The following GRXCR1 variants were observed in gnomAD, a reference collection of about 807,000 sequenced individuals.
GRXCR1 encodes the protein glutaredoxin and cysteine rich domain containing 1.
GRXCR1 carries 27 observed loss-of-function variants against 27.3 expected under a neutral mutation model. The observed-to-expected ratio is 0.99, with a 90% CI of 0.73 to 1.37. The LOEUF (loss-of-function observed/expected upper bound fraction) is 1.37. GRXCR1 is among the 40% of genes most tolerant of loss of function. The pLI is 0.00. For missense variants in GRXCR1, 379 were observed against 354.4 expected (o/e 1.07, Z -0.56); for synonymous variants, 122 against 131.1 (o/e 0.93, Z 0.47).
chr4:42,963,091 C>A lies in GRXCR1; in HGVS notation c.584C>A (p.Ala195Asp). ...LDERCRRVSEAPSLPVVFIDG... is the reference protein window; with the variant it reads ...LDERCRRVSEDPSLPVVFIDG... ...GAACGATGCCGACGAGTTTCTGAAG[C>A]TCCTTCCCTCCCTGTTGTGTTCATT... The change falls in exon 2 of 4, where the codon GCT (alanine) becomes GAT (aspartate). Residue 195 changes from alanine (A) to aspartate (D), a missense_variant. Transcript: ENST00000399770. The A allele has an allele frequency of 6.2e-7, 1 of 1,612,640 alleles. No individual in the cohort carries two copies. The highest frequency in any genetic ancestry group is 8.5e-7 in the Non-Finnish European group (1 of 1,178,972).
chr4:42,904,597 C>T (rs897165499), intron 1 of GRXCR1, among the ~76,000 whole-genome samples: 3 of 152,122 alleles, frequency 2.0e-5, no homozygotes, highest in Admixed American at 2.0e-4. Context: ...CTTTATTGGT[C>T]AAATGGGGAT....
At chr4:42,917,265 G>A (rs190129961) in intron 1 of GRXCR1, among the ~76,000 whole-genome samples, 113 of 152,196 alleles carry the variant, frequency 7.4e-4, no homozygotes, top group Non-Finnish European at 3.2e-4. Flanking sequence ...ATATATGGGA[G>A]AGAAAAAAAG....
chr4:42,926,910 C>A (rs948010711), intron 1 of GRXCR1, among the ~76,000 whole-genome samples: 1 of 152,028 alleles, frequency 6.6e-6, no homozygotes, highest in African/African-American at 2.4e-5. Flanking sequence ...GCATATTGAG[C>A]ATCTACTAAG....
chr4:42,932,619 T>TAGAGAGAGAGAGAG (rs762758381), intron 1 of GRXCR1, among the ~76,000 whole-genome samples: 7 of 22,922 alleles, frequency 3.1e-4, no homozygotes, highest in South Asian at 2.0e-3. Context: ...TATATATATA[T>TAGAGAGAGAGAGAG]AGAGAGAGAG....
intron 2 of GRXCR1, among the ~76,000 whole-genome samples, chr4:43,005,332 G>C (rs1161948280): frequency 2.0e-5 from 3 of 152,058 alleles, no homozygotes; most frequent in African/African-American, 7.2e-5. Flanking sequence ...TAGCAGTTTG[G>C]GAACAGACTA....
intron 1 of GRXCR1, among the ~76,000 whole-genome samples, chr4:42,905,167 C>A (rs1443319375): frequency 1.3e-5 from 2 of 152,126 alleles, no homozygotes; most frequent in Non-Finnish European, 2.9e-5. Flanking sequence ...TAGGCCTTTG[C>A]CTTGGATTCC....
intron 1 of GRXCR1, among the ~76,000 whole-genome samples, chr4:42,947,905 T>C (rs1234645029): frequency 6.6e-6 from 1 of 152,218 alleles, no homozygotes; most frequent in Non-Finnish European, 1.5e-5. Flanking sequence ...ATGACTTTTA[T>C]AGTTTTAACT....
intron 1 of GRXCR1, among the ~76,000 whole-genome samples, chr4:42,949,367 A>AAC (rs1553941020): frequency 1.3e-5 from 2 of 151,312 alleles, no homozygotes; most frequent in East Asian, 3.9e-4. Flanking sequence ...AAAAAAAAAA[A>AAC]AAAAAAAAAC....
At chr4:42,897,398 T>C (rs1463137840) in intron 1 of GRXCR1, among the ~76,000 whole-genome samples, 1 of 152,038 alleles carries the variant, frequency 6.6e-6, no homozygotes, top group East Asian at 1.9e-4. Context: ...CTTCTCCAAA[T>C]TTAAAATTAC....
At position 42,987,241 on chromosome 4, in the gene GRXCR1, A is replaced by ATATTATATATATAT. The variant is rs1276367661; in HGVS notation, c.627+24107_627+24108insTATTATATATATAT. On this transcript the variant is annotated intron_variant, in intron 2 of 3. Transcript: ENST00000399770. ...TATATATTATATATTATATATATAT[A>ATATTATATATATAT]ATATATAATATATATATATAATATA... is the stretch of plus-strand genomic sequence containing the variant. Among the ~76,000 whole-genome samples the ATATTATATATATAT allele has an allele frequency of 3.7e-3, 248 of 66,428 alleles. 1 individual carries two copies. The highest frequency in any genetic ancestry group is 6.8e-3 in the Non-Finnish European group (217 of 32,130). 43.6% of individuals were successfully genotyped at this position (66,428 alleles called of 152,430 possible).
At chr4:42,994,842 A>G (rs1712093381) in intron 2 of GRXCR1, among the ~76,000 whole-genome samples, 2 of 152,170 alleles carry the variant, frequency 1.3e-5, no homozygotes, top group African/African-American at 4.8e-5. Context: ...GTTACTTTAA[A>G]GTAAACTTGC....
intron 2 of GRXCR1, among the ~76,000 whole-genome samples, chr4:42,978,097 A>G (rs1424851735): frequency 6.6e-6 from 1 of 152,068 alleles, no homozygotes; most frequent in Non-Finnish European, 1.5e-5. Context: ...TTTGTTGAAA[A>G]TATGTTGGCT....
intron 2 of GRXCR1, among the ~76,000 whole-genome samples, chr4:42,975,939 G>A (rs1269211170): frequency 1.3e-5 from 2 of 152,070 alleles, no homozygotes; most frequent in African/African-American, 4.8e-5. Flanking sequence ...AAGGATGCAG[G>A]CATTAAGTAT....
chr4:42,987,234 TA>T (rs1261699935), intron 2 of GRXCR1, among the ~76,000 whole-genome samples: 1 of 84,040 alleles, frequency 1.2e-5, no homozygotes, highest in Non-Finnish European at 2.3e-5. Context: ...ATATATTATA[TA>T]TATATAATAT....
At chr4:43,020,935 C>T (rs1388852400) in intron 3 of GRXCR1, among the ~76,000 whole-genome samples, 1 of 152,140 alleles carries the variant, frequency 6.6e-6, no homozygotes, top group South Asian at 2.1e-4. Flanking sequence ...CCCTTATTAC[C>T]TCACTGCTAA....
chr4:43,017,725 T>C (rs1006091418), intron 2 of GRXCR1, among the ~76,000 whole-genome samples: 1 of 151,976 alleles, frequency 6.6e-6, no homozygotes, highest in African/African-American at 2.4e-5. Context: ...AATGGTGGAG[T>C]GTATGTAAAA....
At chr4:42,913,159 A>C (rs1235540217) in intron 1 of GRXCR1, among the ~76,000 whole-genome samples, 3 of 152,180 alleles carry the variant, frequency 2.0e-5, no homozygotes, top group African/African-American at 4.8e-5. Flanking sequence ...TAATACAATA[A>C]ATCAGTACCA....
At chr4:43,014,610 C>G (rs911860351) in intron 2 of GRXCR1, among the ~76,000 whole-genome samples, 4 of 152,100 alleles carry the variant, frequency 2.6e-5, no homozygotes, top group Non-Finnish European at 5.9e-5. Context: ...CTGAGAGAAG[C>G]GATAGAAGTC....
chr4:42,923,735 A>G (rs982698987), intron 1 of GRXCR1, among the ~76,000 whole-genome samples: 1 of 152,042 alleles, frequency 6.6e-6, no homozygotes, highest in African/African-American at 2.4e-5. Context: ...ATATCCAAGG[A>G]TGCTTCAACA....
Sources: gnomAD v4.1 joint callset for allele counts (sites outside exome capture counted in the v4.1 genomes callset) on GRCh38, gnomAD v4.1.1 for gene constraint, MANE v1.5 for transcripts, NCBI Gene and HGNC (gene_info 2026-07-23, HGNC 2026-07-21) for gene names.